GALNTL5: variants seen among roughly 807,000 people sequenced by gnomAD.
GALNTL5 encodes inactive polypeptide N-acetylgalactosaminyltransferase-like protein 5.
GALNTL5 carries 44 observed loss-of-function variants against 51.0 expected under a neutral mutation model. That is an observed-to-expected ratio of 0.86 (90% CI 0.68 to 1.11). GALNTL5 has a LOEUF of 1.11. Among genes scored for constraint, GALNTL5 ranks in the 50% least tolerant of loss-of-function variants. The pLI is 0.00. For missense variants in GALNTL5, 528 were observed against 531.8 expected, an observed-to-expected ratio of 0.99 and a Z score of 0.07; for synonymous variants, 192 against 182.8, an observed-to-expected ratio of 1.05 and a Z score of -0.41.
In GALNTL5 at chr7:152,014,690, T is replaced by A; in HGVS notation, c.1073T>A (p.Val358Glu). ...CTCTTTATAATCCCCTGCTCTCGAGTAGGACATATCAGTAAGAAACAAACT... is the reference window on the plus strand; with the variant it reads ...CTCTTTATAATCCCCTGCTCTCGAGAAGGACATATCAGTAAGAAACAAACT... ...GQLFIIPCSR[V>E]GHISKKQTGK... The change falls in exon 8 of 9, where the codon GTA becomes GAA. Residue 358 changes from valine (V) to glutamate (E), a missense_variant. By Grantham distance (121) the Val-to-Glu change is moderately radical. Transcript: ENST00000392800. 6.2e-7 allele frequency: 1 copy of A among 1,613,406 alleles called. No individual in the cohort carries two copies. The highest frequency in any genetic ancestry group is 8.5e-7 in the Non-Finnish European group (1 of 1,179,520).
At chr7:151,984,811 T>C (rs2081340084) in intron 4 of GALNTL5, among the ~76,000 whole-genome samples, 1 of 152,092 alleles carries the variant, frequency 6.6e-6, no homozygotes, top group Admixed American at 6.6e-5. Context: ...GATTGTGGAA[T>C]TCTAACTTCT....
chr7:151,967,457 A>G lies in GALNTL5; in HGVS notation c.211A>G (p.Lys71Glu). 6.2e-7 allele frequency: 1 copy of G among 1,614,032 alleles called. No individual in the cohort carries two copies. The highest frequency in any genetic ancestry group is 2.2e-5 in the East Asian group (1 of 44,878). Residue 71 changes from lysine to glutamate, a missense_variant, in exon 2 of 9, where the codon AAA (lysine) becomes GAA (glutamate). Transcript: ENST00000392800. Reference protein sequence around the residue: ...EQIPKPHVIVKRTDEDKAKSM... With the variant: ...EQIPKPHVIVERTDEDKAKSM... ...AATACCAAAACCTCATGTAATAGTCAAAAGGACTGATGAAGATAAAGCAAA... is the reference window on the plus strand; with the variant it reads ...AATACCAAAACCTCATGTAATAGTCGAAAGGACTGATGAAGATAAAGCAAA...
chr7:152,001,412 A>G (rs2081579532), intron 5 of GALNTL5, among the ~76,000 whole-genome samples: 1 of 152,132 alleles, frequency 6.6e-6, no homozygotes, highest in South Asian at 2.1e-4. Flanking sequence ...CCTTAGGTCT[A>G]TGACCCATTT....
In GALNTL5 at chr7:151,967,384, G is replaced by A; in HGVS notation, c.138G>A (p.Trp46Ter). The change falls in exon 2 of 9, where the codon TGG becomes TGA. Residue 46 changes from tryptophan to a stop codon, truncating the protein, a stop_gained. Coordinates refer to ENST00000392800, the MANE Select transcript of GALNTL5 (RefSeq NM_145292.4). LOFTEE classifies it high-confidence loss of function. ...AAAGCCAGGAGCCTCTGTCAGCTTGGTCCCCTGGAAAAAAAGTGCATCAGC... is the reference window on the plus strand; with the variant it reads ...AAAGCCAGGAGCCTCTGTCAGCTTGATCCCCTGGAAAAAAAGTGCATCAGC... Reference protein sequence around the residue: ...QKKSQEPLSAWSPGKKVHQQI... With the variant: ...QKKSQEPLSA 6.2e-7 allele frequency: 1 copy of A among 1,614,060 alleles called. No homozygotes were observed. The highest frequency in any genetic ancestry group is 8.5e-7 in the Non-Finnish European group (1 of 1,180,004).
At chr7:151,981,693 T>A (rs1362556494) in intron 3 of GALNTL5, among the ~76,000 whole-genome samples, 2 of 148,024 alleles carry the variant, frequency 1.4e-5, no homozygotes, top group African/African-American at 2.5e-5. Context: ...TTTTTTTTTT[T>A]TTTTGGATGC....
intron 5 of GALNTL5, among the ~76,000 whole-genome samples, chr7:151,989,628 G>A (rs1271548084): frequency 6.6e-6 from 1 of 152,156 alleles, no homozygotes. Flanking sequence ...GGGAATAAGG[G>A]AATTTTTATT....
rs1396508770 is a variant in GALNTL5, at chr7:151,970,942, C to G, written c.248-3C>G. On this transcript the variant is annotated splice_region_variant and splice_polypyrimidine_tract_variant and intron_variant, in intron 2 of 8. Transcript: ENST00000392800. ...ATATGATTCTAATTACATTTTCTTG[C>G]AGGTACAGATTTTAACCATACAAAC... The G allele has an allele frequency of 6.3e-7, 1 of 1,590,134 alleles. No individual in the cohort carries two copies. The highest frequency in any genetic ancestry group is 1.4e-5 in the African/African-American group (1 of 73,940).
chr7:152,000,714 G>A lies in GALNTL5; in HGVS notation c.659-2000G>A, dbSNP rs904612410. Reference sequence around the variant, plus strand: ...TCACATGCTCATCAGCCATTTATACGTCTTTGCAAAGATGTCTATTCAAAT... The same window carrying A: ...TCACATGCTCATCAGCCATTTATACATCTTTGCAAAGATGTCTATTCAAAT... On this transcript the variant is annotated intron_variant, in intron 5 of 8. Transcript: ENST00000392800. 1.6e-4 allele frequency among the ~76,000 whole-genome samples: 25 copies of A among 152,106 alleles called. 1 individual carries two copies. The South Asian group carries it at 1.9e-3, about 11-fold the overall frequency.
At chr7:151,987,420 GC>G in intron 5 of GALNTL5, 139 bp downstream of exon 5, 1 of 708,304 alleles carries the variant, frequency 1.4e-6, no homozygotes, top group South Asian at 2.7e-5. Context: ...AGCCATATGA[GC>G]CTTTAATCTT....
intron 6 of GALNTL5, among the ~76,000 whole-genome samples, chr7:152,006,050 AGAG>A (rs2081638125): frequency 7.1e-6 from 1 of 141,090 alleles, no homozygotes; most frequent in African/African-American, 2.8e-5. Context: ...TTGACAGTTG[AGAG>A]GAGGAGAGGA....
chr7:151,972,795 A>G (rs1030083158), intron 3 of GALNTL5, among the ~76,000 whole-genome samples: 3 of 152,196 alleles, frequency 2.0e-5, no homozygotes, highest in Admixed American at 2.0e-4. Flanking sequence ...ATATATGGAA[A>G]CACCTGGATG....
At chr7:151,964,724 T>C (rs1335222661) in intron 1 of GALNTL5, among the ~76,000 whole-genome samples, 3 of 152,184 alleles carry the variant, frequency 2.0e-5, no homozygotes, top group Non-Finnish European at 4.4e-5. Flanking sequence ...AACCAGCTGA[T>C]TGGAATAGCT....
At chr7:152,007,656 A>G (rs1305965340) in intron 6 of GALNTL5, among the ~76,000 whole-genome samples, 171 bp from the exon 7 acceptor site, 5 of 151,796 alleles carry the variant, frequency 3.3e-5, no homozygotes, top group African/African-American at 7.3e-5. Context: ...CTGAACTCGT[A>G]ATGCACCCGC....
intron 3 of GALNTL5, among the ~76,000 whole-genome samples, chr7:151,980,415 C>A (rs950733082): frequency 4.6e-5 from 7 of 152,146 alleles, no homozygotes; most frequent in Non-Finnish European, 8.8e-5. Flanking sequence ...TGCACAGCCG[C>A]GTTTTCCCAC....
intron 1 of GALNTL5, among the ~76,000 whole-genome samples, chr7:151,958,610 C>T (rs1009411026): frequency 4.8e-5 from 7 of 146,294 alleles, no homozygotes; most frequent in Non-Finnish European, 1.0e-4. Context: ...CATTCTGTCC[C>T]ACCATCCTGC....
intron 2 of GALNTL5, among the ~76,000 whole-genome samples, chr7:151,967,756 T>C (rs1213186472): frequency 2.0e-5 from 3 of 152,170 alleles, no homozygotes; most frequent in Non-Finnish European, 2.9e-5. Context: ...TAAGTTGTAA[T>C]AGTACAGTAA....
chr7:151,965,325 C>T (rs1007632344), intron 1 of GALNTL5, among the ~76,000 whole-genome samples: 1 of 152,222 alleles, frequency 6.6e-6, no homozygotes, highest in East Asian at 1.9e-4. Flanking sequence ...CTCTACCGCT[C>T]TCTTTTCCCA....
chr7:151,966,290 G>A (rs530298681), intron 1 of GALNTL5, among the ~76,000 whole-genome samples: 46 of 150,248 alleles, frequency 3.1e-4, no homozygotes, highest in African/African-American at 1.1e-3. Context: ...TGTTTGAGAC[G>A]GAGTTTCATT....
intron 3 of GALNTL5, among the ~76,000 whole-genome samples, chr7:151,980,272 AG>A (rs1176702952): frequency 6.6e-6 from 1 of 151,948 alleles, no homozygotes; most frequent in African/African-American, 2.4e-5. Context: ...TTAATAGAGA[AG>A]GGGTTTTGCC....
Sources: allele counts gnomAD v4.1 joint callset (sites outside exome capture counted in the v4.1 genomes callset), GRCh38; gene constraint gnomAD v4.1.1; transcripts MANE v1.5; gene names NCBI Gene and HGNC (gene_info 2026-07-23, HGNC 2026-07-21).